Variants in SYT7 observed in about 807,000 individuals in gnomAD.
The protein encoded by SYT7 is synaptotagmin-7.
In SYT7, 29 loss-of-function variants were observed where a neutral mutation model predicts 75.1. That is an observed-to-expected ratio of 0.39 (90% CI 0.29 to 0.53). The LOEUF is 0.53. Among genes scored for constraint, SYT7 ranks in the 20% least tolerant of loss-of-function variants. The probability of loss-of-function intolerance (pLI) is 0.77; values close to 1 mark genes in which losing one functional copy is unlikely to be tolerated. For missense variants in SYT7, 693 were observed against 953.2 expected (o/e 0.73, Z 3.59); for synonymous variants, 376 against 401.7 (o/e 0.94, Z 0.76).
chr11:61,566,598 C>T (rs7944641), intron 1 of SYT7, among the ~76,000 whole-genome samples: 5,308 of 152,262 alleles, frequency 0.035, 313 homozygotes, highest in African/African-American at 0.12. Context: ...AAAATGATCA[C>T]GTCTGTCAGA....
Position 61,524,670 on chromosome 11 carries a change from G to T in SYT7, c.1472-138C>A. The T allele has an allele frequency of 1.3e-6, 1 of 751,286 alleles. No individual in the cohort carries two copies. The allele number at this position is 751,286 out of a possible 1,614,324, so 46.5% of individuals were successfully genotyped here. A position where few individuals can be genotyped will look rare whatever the true frequency, so the allele number is the denominator to read the frequency against. The stretch of plus-strand genomic sequence containing the variant: ...CCCCACCGGGCCAGCAGGCACACCG[G>T]ATTGCAATTAGACCTTACTGAAGTG... On this transcript the variant is annotated intron_variant, in intron 9 of 12. Transcript: ENST00000539008. This position sits in a 1 kb window ranked among gnomAD's most constrained non-coding sequence, Gnocchi z 4.1.
intron 7 of SYT7, chr11:61,533,645 C>G: frequency 1.0e-6 from 1 of 985,448 alleles, no homozygotes; most frequent in South Asian, 4.7e-5. Flanking sequence ...TTCCCACCCT[C>G]CAGACGTGAG....
chr11:61,519,661 G>A (rs1318889114), intron 12 of SYT7, among the ~76,000 whole-genome samples: 3 of 152,164 alleles, frequency 2.0e-5, no homozygotes, highest in Non-Finnish European at 2.9e-5. Context: ...TCACAGCAAC[G>A]CAGTGCCCAT....
chr11:61,523,006 C>T lies in SYT7; in HGVS notation c.1956+69G>A, dbSNP rs2062394047. The T allele has an allele frequency of 6.5e-7, 1 of 1,546,374 alleles. No individual in the cohort carries two copies. Among genetic ancestry groups the T allele is most frequent in the Non-Finnish European group, 8.9e-7 (1 of 1,121,136 alleles). ...AGCCTGTGCCCGTCCACTACCCCCGCTGCTTCTTTTAAGGAACGGAGCCTC... is the reference window on the plus strand; with the variant it reads ...AGCCTGTGCCCGTCCACTACCCCCGTTGCTTCTTTTAAGGAACGGAGCCTC... On this transcript the variant is annotated intron_variant, in intron 12 of 12. Coordinates refer to ENST00000539008, the MANE Select transcript of SYT7 (RefSeq NM_001365809.2). This position sits in a 1 kb window ranked among gnomAD's most constrained non-coding sequence, Gnocchi z 5.0.
chr11:61,545,443 C>T (rs1030747410), intron 5 of SYT7, among the ~76,000 whole-genome samples: 2 of 152,152 alleles, frequency 1.3e-5, no homozygotes, highest in Non-Finnish European at 2.9e-5. Flanking sequence ...GAGGATGAAC[C>T]GATGGGGCAG....
chr11:61,555,518 T>A lies in SYT7; in HGVS notation c.135+586A>T, dbSNP rs2063474733. Among the ~76,000 whole-genome samples, 3 of 152,290 alleles carry A rather than the reference T, an allele frequency of 2.0e-5. No homozygotes were observed. The South Asian group carries it at 6.2e-4, about 32-fold the overall frequency. ...TGTCCCTCCTGACGGTCTCTTTACT[T>A]ATTGATGGACTAATCCTGCTCGTTA... On this transcript the variant is annotated intron_variant, in intron 2 of 12. Transcript: ENST00000539008.
rs2062118084 is a variant in SYT7 at position 61,515,211 on chromosome 11, G to C, written c.*3416C>G. ...TCAAATCCCAAAGGTGACACACTGA[G>C]GGGAGGCTCAGCCCCGGGGCCCCCA... On this transcript the variant is annotated 3_prime_UTR_variant, in exon 13 of 13. Coordinates refer to ENST00000539008, the MANE Select transcript of SYT7 (RefSeq NM_001365809.2). The C allele has an allele frequency of 6.6e-6, 1 of 152,326 alleles. No homozygotes were observed. The highest frequency in any genetic ancestry group is 2.1e-4 in the South Asian group (1 of 4,838). 9.4% of individuals were successfully genotyped at this position (152,326 alleles called of 1,614,324 possible). A position where few individuals can be genotyped will look rare whatever the true frequency, so the allele number is the denominator to read the frequency against.
chr11:61,541,394 A>C, intron 6 of SYT7: 1 of 703,564 alleles, frequency 1.4e-6, no homozygotes, highest in Non-Finnish European at 1.7e-6. Context: ...GCAGATGTCC[A>C]GAGAGATGCT....
intron 7 of SYT7, 50 bp downstream of exon 7, chr11:61,538,094 G>T (rs910513044): frequency 6.5e-7 from 1 of 1,531,746 alleles, no homozygotes; most frequent in Non-Finnish European, 8.7e-7. Context: ...CGGCCTCTCC[G>T]CGCCTCCTTC....
chr11:61,546,269 C>A lies in SYT7; in HGVS notation c.348-14G>T. 1 of 1,424,310 alleles carries A rather than the reference C, an allele frequency of 7.0e-7. No individual in the cohort carries two copies. Among genetic ancestry groups the A allele is most frequent in the Non-Finnish European group, 9.1e-7 (1 of 1,098,076 alleles). The allele number at this position is 1,424,310 out of a possible 1,614,324, so 88.2% of individuals were successfully genotyped here. A position where few individuals can be genotyped will look rare whatever the true frequency, so the allele number is the denominator to read the frequency against. On this transcript the variant is annotated splice_polypyrimidine_tract_variant and intron_variant, in intron 4 of 12. Coordinates refer to ENST00000539008, the MANE Select transcript of SYT7 (RefSeq NM_001365809.2). The surrounding 1 kb of genome is among the most constrained non-coding windows in gnomAD (Gnocchi z 7.6). ...AGGAGGGTGCCACTGGAGGCATGCA[C>A]GAGGCAGCCAGGCCAGAGGGGCACC... is the stretch of plus-strand genomic sequence containing the variant.
At chr11:61,568,499 C>T (rs973926348) in intron 1 of SYT7, among the ~76,000 whole-genome samples, 1 of 152,192 alleles carries the variant, frequency 6.6e-6, no homozygotes, top group Admixed American at 6.5e-5. Flanking sequence ...ACCCTGCCTC[C>T]CCAGGAGGGA....
chr11:61,523,413 C>T lies in SYT7; in HGVS notation c.1757-139G>A. On this transcript the variant is annotated intron_variant, in intron 11 of 12. Transcript: ENST00000539008. This position sits in a 1 kb window ranked among gnomAD's most constrained non-coding sequence, Gnocchi z 5.0. Reference sequence around the variant, plus strand: ...AGGCAAGGAAAGACCCAGGCAAGAACAAGAGGGACCTGGGAGAATCAGCAG... The same window carrying T: ...AGGCAAGGAAAGACCCAGGCAAGAATAAGAGGGACCTGGGAGAATCAGCAG... The T allele has an allele frequency of 2.6e-6, 2 of 777,762 alleles. No homozygotes were observed. Among genetic ancestry groups the T allele is most frequent in the Non-Finnish European group, 4.2e-6 (2 of 476,470 alleles). 48.2% of individuals were successfully genotyped at this position (777,762 alleles called of 1,614,324 possible).
chr11:61,555,694 G>T (rs988780324), intron 2 of SYT7, among the ~76,000 whole-genome samples: 34 of 152,294 alleles, frequency 2.2e-4, no homozygotes, highest in African/African-American at 7.5e-4. Flanking sequence ...CAGAGGGGAG[G>T]GGGCGCGGTG....
intron 8 of SYT7, among the ~76,000 whole-genome samples, chr11:61,532,368 C>T (rs1303707307): frequency 6.6e-6 from 1 of 152,188 alleles, no homozygotes; most frequent in African/African-American, 2.4e-5. Context: ...ACCACAACCT[C>T]TGTCTGGGCC....
chr11:61,565,585 G>T (rs2063745115), intron 1 of SYT7, among the ~76,000 whole-genome samples: 1 of 152,294 alleles, frequency 6.6e-6, no homozygotes, highest in Admixed American at 6.5e-5. Flanking sequence ...AAAACAAATT[G>T]AGATAGGCGA....
In SYT7 at chr11:61,545,946, C is replaced by T. The variant is rs2063169794; in HGVS notation, c.572+85G>A. ...AGGACGGCACCTCTGGGGGCAGCAG[C>T]GGGCATGCCAGGGGTCCCGCTGTCC... On this transcript the variant is annotated intron_variant, in intron 5 of 12. Transcript: ENST00000539008. The T allele has an allele frequency of 1.5e-5, 19 of 1,259,310 alleles. 1 individual carries two copies. Among genetic ancestry groups the T allele is most frequent in the East Asian group, 5.3e-5 (2 of 37,776 alleles). 78.0% of individuals were successfully genotyped at this position (1,259,310 alleles called of 1,614,324 possible).
intron 7 of SYT7, among the ~76,000 whole-genome samples, chr11:61,535,919 T>G (rs1001014217): frequency 1.3e-5 from 2 of 151,960 alleles, no homozygotes; most frequent in Non-Finnish European, 2.9e-5. Flanking sequence ...GGACAGCCGC[T>G]CCAAGGCCAC....
intron 2 of SYT7, among the ~76,000 whole-genome samples, chr11:61,554,290 ACACACC>A (rs1004654039): frequency 1.2e-4 from 18 of 151,978 alleles, no homozygotes; most frequent in Admixed American, 3.3e-4. Context: ...CTCTCACCAC[ACACACC>A]CACACCCACA....
chr11:61,549,276 A>G (rs990368115), intron 3 of SYT7, among the ~76,000 whole-genome samples: 11 of 152,328 alleles, frequency 7.2e-5, no homozygotes, highest in African/African-American at 2.6e-4. Context: ...GGTACTGGAA[A>G]AAAGGATCTT....
Sources: allele counts gnomAD v4.1 joint callset (sites outside exome capture counted in the v4.1 genomes callset), GRCh38; gene constraint gnomAD v4.1.1; non-coding constraint Gnocchi (gnomAD v3.1); transcripts MANE v1.5; gene names NCBI Gene and HGNC (gene_info 2026-07-23, HGNC 2026-07-21).